CTSF: variants seen among roughly 807,000 people sequenced by gnomAD.
The protein encoded by CTSF is cathepsin F.
CTSF carries 65 observed loss-of-function variants against 63.5 expected under a neutral mutation model. The observed-to-expected ratio is 1.02, with a 90% CI of 0.84 to 1.26. CTSF has a LOEUF of 1.26. Among genes scored for constraint, CTSF ranks in the 50% most tolerant of loss-of-function variants. CTSF has a pLI of 0.00. For synonymous variants in CTSF, 256 were observed against 258.1 expected, an observed-to-expected ratio of 0.99 and a Z score of 0.08; for missense variants, 641 against 631.0, an observed-to-expected ratio of 1.02 and a Z score of -0.17.
rs1857967422 is a variant in CTSF at position 66,567,834 on chromosome 11, A to G, written c.312+150T>C. 3 of 1,361,830 alleles carry G rather than the reference A, an allele frequency of 2.2e-6. No homozygotes were observed. The Admixed American group carries it at 7.9e-5, about 36-fold the overall frequency. 84.4% of individuals were successfully genotyped at this position (1,361,830 alleles called of 1,614,324 possible). A position where few individuals can be genotyped will look rare whatever the true frequency, so the allele number is the denominator to read the frequency against. ...ACCGGGGCATCCTCCCCTTCATAGC[A>G]TCTTGGTTTCCAGCCCTCGGGGCCT... On this transcript the variant is annotated intron_variant, in intron 2 of 12. Coordinates refer to ENST00000310325, the MANE Select transcript of CTSF (RefSeq NM_003793.4).
Position 66,566,548 on chromosome 11 carries a change from C to T in CTSF, c.608-144G>A. On this transcript the variant is annotated intron_variant, in intron 4 of 12. Transcript: ENST00000310325. ...CAAGTGATGGAGTGGGAGGTCTGAT[C>T]AACTTTTAGGGCCAAACTGAAGTGA... 3 of 717,998 alleles carry T rather than the reference C, an allele frequency of 4.2e-6. No individual in the cohort carries two copies. In the Admixed American group the frequency reaches 7.1e-5, roughly 17 times the overall value. The allele number at this position is 717,998 out of a possible 1,614,324, so 44.5% of individuals were successfully genotyped here. A position where few individuals can be genotyped will look rare whatever the true frequency, so the allele number is the denominator to read the frequency against.
At position 66,565,052 on chromosome 11, in the gene CTSF, C is replaced by T. The variant is rs752677818; in HGVS notation, c.1046-46G>A. 5 of 1,517,010 alleles carry T rather than the reference C, an allele frequency of 3.3e-6. No individual in the cohort carries two copies. The Admixed American group carries it at 1.1e-4, about 33-fold the overall frequency. 94.0% of individuals were successfully genotyped at this position (1,517,010 alleles called of 1,614,324 possible). On this transcript the variant is annotated intron_variant, in intron 8 of 12. Transcript: ENST00000310325. ...GTAGAGAAGGGCAGGCTCCCATTTG[C>T]CATTCACAGCCAGAAATGAACTAAG...
In CTSF at chr11:66,567,675, G is replaced by T; in HGVS notation, c.313-13C>A. ...GGAAGCTGCAGAGCTGGAGGGAGAG[G>T]AAGAAGCTGCTCTGGGGGCCTGGAT... On this transcript the variant is annotated splice_polypyrimidine_tract_variant and intron_variant, in intron 2 of 12. Coordinates refer to ENST00000310325, the MANE Select transcript of CTSF (RefSeq NM_003793.4). 1 of 1,610,140 alleles carries T rather than the reference G, an allele frequency of 6.2e-7. No homozygotes were observed.
rs924071157 is a variant in CTSF, at chr11:66,568,335, T to C, written c.152A>G (p.Asn51Ser). The C allele has an allele frequency of 3.8e-6, 5 of 1,312,322 alleles. No homozygotes were observed. The highest frequency in any genetic ancestry group is 4.8e-6 in the Non-Finnish European group (5 of 1,040,558). 81.3% of individuals were successfully genotyped at this position (1,312,322 alleles called of 1,614,324 possible). ...CCGCGTCCCCGCAGCCCGGCCGCGGTTGAACATCTCCAGCGCGAAGCGGGT... is the reference window on the plus strand; with the variant it reads ...CCGCGTCCCCGCAGCCCGGCCGCGGCTGAACATCTCCAGCGCGAAGCGGGT... ...APTRFALEMF[N>S]RGRAAGTRAV... is the part of the protein sequence containing the mutation. Residue 51 changes from asparagine (N) to serine (S), a missense_variant, in exon 1 of 13, where the codon AAC becomes AGC. Asn to Ser is a conservative substitution (Grantham distance 46). Transcript: ENST00000310325.
chr11:66,563,986 C>G lies in CTSF; in HGVS notation c.1402G>C (p.Gly468Arg). 1 of 1,613,796 alleles carries G rather than the reference C, an allele frequency of 6.2e-7. No individual in the cohort carries two copies. The highest frequency in any genetic ancestry group is 8.5e-7 in the Non-Finnish European group (1 of 1,180,006). Reference sequence around the variant, plus strand: ...GTGTTCACGCCACAGGCCCCGGACCCACGATGCAAGTAGTAGTAACCCTGG... The same window carrying G: ...GTGTTCACGCCACAGGCCCCGGACCGACGATGCAAGTAGTAGTAACCCTGG... Reference protein sequence around the residue: ...GEKGYYYLHRGSGACGVNTMA... With the variant: ...GEKGYYYLHRRSGACGVNTMA... Residue 468 changes from glycine (G) to arginine (R), a missense_variant, in exon 13 of 13, where the codon GGG becomes CGG. By Grantham distance (125) the Gly-to-Arg change is moderately radical. Coordinates refer to ENST00000310325, the MANE Select transcript of CTSF (RefSeq NM_003793.4).
rs1239571489 is a variant in CTSF, at chr11:66,564,871, C to A, written c.1165+16G>T. 2 of 1,613,824 alleles carry A rather than the reference C, an allele frequency of 1.2e-6. No homozygotes were observed. The highest frequency in any genetic ancestry group is 2.2e-5 in the South Asian group (2 of 91,056). On this transcript the variant is annotated intron_variant, in intron 9 of 12. Coordinates refer to ENST00000310325, the MANE Select transcript of CTSF (RefSeq NM_003793.4). Reference sequence around the variant, plus strand: ...CCGGCCCCACCTGACCTCACCTCACCCTGCCCCTCACTCACTCTGCTCGTT... The same window carrying A: ...CCGGCCCCACCTGACCTCACCTCACACTGCCCCTCACTCACTCTGCTCGTT...
rs938352890 is a variant in CTSF, at chr11:66,568,386, G to T, written c.101C>A (p.Pro34Gln). 1.9e-5 allele frequency: 25 copies of T among 1,307,594 alleles called. No individual in the cohort carries two copies. Among genetic ancestry groups the T allele is most frequent in the Non-Finnish European group, 2.1e-5 (22 of 1,036,426 alleles). The allele number at this position is 1,307,594 out of a possible 1,614,324, so 81.0% of individuals were successfully genotyped here. ...GGGCGCCAGCAGCTCCGGGGACGGC[G>T]GCCCCCAGGCCTGAAAGCTGGCGGC... Reference protein sequence around the residue: ...PRAASFQAWGPPSPELLAPTR... With the variant: ...PRAASFQAWGQPSPELLAPTR... The change falls in exon 1 of 13, where the codon CCG becomes CAG. Residue 34 changes from proline to glutamine, a missense_variant. By Grantham distance (76) the Pro-to-Gln change is moderately conservative. Transcript: ENST00000310325.
chr11:66,567,640 T>C lies in CTSF; in HGVS notation c.335A>G (p.Asp112Gly). ...CAGCAGCACGTGTCTTCCGAGCTCA[T>C]CCAGGACTTGGAAGCTGCAGAGCTG... ...KTLLCSFQVL[D>G]ELGRHVLLRK... The change falls in exon 3 of 13, where the codon GAT becomes GGT. Residue 112 changes from aspartate to glycine, a missense_variant. Transcript: ENST00000310325. The C allele has an allele frequency of 6.2e-7, 1 of 1,614,058 alleles. No individual in the cohort carries two copies. Among genetic ancestry groups the C allele is most frequent in the Non-Finnish European group, 8.5e-7 (1 of 1,180,000 alleles).
Position 66,565,898 on chromosome 11 carries a change from T to C in CTSF, c.897A>G (p.Ser299=). ...QGMCGSCWAF[S]VTGNVEGQWF... is the part of the protein sequence containing the mutation. The stretch of plus-strand genomic sequence containing the variant: ...ACTGGCCCTCCACATTGCCTGTGAC[T>C]GAGAAGGCCCAGCAGGAGCCACACA... Residue 299 remains serine, a synonymous_variant, in exon 7 of 13, where the codon TCA becomes TCG. Coordinates refer to ENST00000310325, the MANE Select transcript of CTSF (RefSeq NM_003793.4). The C allele has an allele frequency of 1.9e-6, 3 of 1,614,008 alleles. No homozygotes were observed. The highest frequency in any genetic ancestry group is 2.5e-6 in the Non-Finnish European group (3 of 1,180,002).
chr11:66,568,327 G>A lies in CTSF; in HGVS notation c.160C>T (p.Arg54Trp). 9 of 1,315,514 alleles carry A rather than the reference G, an allele frequency of 6.8e-6. No individual in the cohort carries two copies. The highest frequency in any genetic ancestry group is 8.6e-6 in the Non-Finnish European group (9 of 1,042,640). 81.5% of individuals were successfully genotyped at this position (1,315,514 alleles called of 1,614,324 possible). Residue 54 changes from arginine (R) to tryptophan (W), a missense_variant, in exon 1 of 13, where the codon CGG becomes TGG. By Grantham distance (101) the Arg-to-Trp change is moderately radical. Transcript: ENST00000310325. ...RFALEMFNRG[R>W]AAGTRAVLGL... ...AGCACGGCCCGCGTCCCCGCAGCCC[G>A]GCCGCGGTTGAACATCTCCAGCGCG...
chr11:66,564,890 G>A lies in CTSF; in HGVS notation c.1162C>T (p.Gln388Ter). 2 of 1,612,470 alleles carry A rather than the reference G, an allele frequency of 1.2e-6. No individual in the cohort carries two copies. Among genetic ancestry groups the A allele is most frequent in the Non-Finnish European group, 1.7e-6 (2 of 1,178,774 alleles). ...NDSVELSQNE[Q>*]KLAAWLAKRG... ...CCTCACCCTGCCCCTCACTCACTCTGCTCGTTCTGGCTCAGCTCCACGGAG... is the reference window on the plus strand; with the variant it reads ...CCTCACCCTGCCCCTCACTCACTCTACTCGTTCTGGCTCAGCTCCACGGAG... The change falls in exon 9 of 13, where the codon CAG becomes TAG. Residue 388 changes from glutamine to a stop codon, truncating the protein, a stop_gained. Coordinates refer to ENST00000310325, the MANE Select transcript of CTSF (RefSeq NM_003793.4). LOFTEE classifies it high-confidence loss of function.
Position 66,567,659 on chromosome 11 carries a change from A to G in CTSF, c.316T>C (p.Cys106Arg). The change falls in exon 3 of 13, where the codon TGC (cysteine) becomes CGC (arginine). Residue 106 changes from cysteine (C) to arginine (R), a missense_variant. Coordinates refer to ENST00000310325, the MANE Select transcript of CTSF (RefSeq NM_003793.4). ...RLPVSKKTLLCSFQVLDELGR... is the reference protein window; with the variant it reads ...RLPVSKKTLLRSFQVLDELGR... The stretch of plus-strand genomic sequence containing the variant: ...AGCTCATCCAGGACTTGGAAGCTGC[A>G]GAGCTGGAGGGAGAGGAAGAAGCTG... The G allele has an allele frequency of 6.2e-7, 1 of 1,613,450 alleles. No homozygotes were observed. The highest frequency in any genetic ancestry group is 8.5e-7 in the Non-Finnish European group (1 of 1,179,662).
chr11:66,567,403 GCTC>G, intron 3 of CTSF, 38 bp downstream of exon 3: 1 of 1,601,482 alleles, frequency 6.2e-7, no homozygotes, highest in Non-Finnish European at 8.5e-7. Flanking sequence ...GCAGCGGCTG[GCTC>G]CTCAAGCTGA....
rs938352890 is a variant in CTSF, at chr11:66,568,386, G to A, written c.101C>T (p.Pro34Leu). 6 of 1,307,594 alleles carry A rather than the reference G, an allele frequency of 4.6e-6. No individual in the cohort carries two copies. Among genetic ancestry groups the A allele is most frequent in the Non-Finnish European group, 5.8e-6 (6 of 1,036,426 alleles). The allele number at this position is 1,307,594 out of a possible 1,614,324, so 81.0% of individuals were successfully genotyped here. A position where few individuals can be genotyped will look rare whatever the true frequency, so the allele number is the denominator to read the frequency against. The part of the protein sequence containing the change: ...PRAASFQAWG[P>L]PSPELLAPTR... ...GGGCGCCAGCAGCTCCGGGGACGGCGGCCCCCAGGCCTGAAAGCTGGCGGC... is the reference window on the plus strand; with the variant it reads ...GGGCGCCAGCAGCTCCGGGGACGGCAGCCCCCAGGCCTGAAAGCTGGCGGC... Residue 34 changes from proline (P) to leucine (L), a missense_variant, in exon 1 of 13, where the codon CCG becomes CTG. Physicochemically the swap from Pro to Leu is moderately conservative, Grantham distance 98 (BLOSUM62 -3). Transcript: ENST00000310325.
At chr11:66,564,378 C>G (rs1254453903) in intron 11 of CTSF, 180 bp downstream of exon 11, 1 of 771,844 alleles carries the variant, frequency 1.3e-6, no homozygotes, top group African/African-American at 1.8e-5. Context: ...TTTACCCTCC[C>G]ACAGCTCAGC....
chr11:66,566,448 G>A (rs777106848), intron 4 of CTSF, 44 bp from the exon 5 acceptor site: 3 of 1,589,836 alleles, frequency 1.9e-6, no homozygotes, highest in Non-Finnish European at 2.6e-6. Flanking sequence ...ACCCCAGGCA[G>A]ATAAAAGGAA....
At chr11:66,564,840 C>A in intron 9 of CTSF, 34 bp from the exon 10 acceptor site, 1 of 1,614,142 alleles carries the variant, frequency 6.2e-7, no homozygotes, top group Non-Finnish European at 8.5e-7. Context: ...AGTAGGCACC[C>A]AGGCCCCGGC....
In CTSF at chr11:66,568,226, T is replaced by C. The variant is rs983432057; in HGVS notation, c.213+48A>G. The stretch of plus-strand genomic sequence containing the variant: ...CATCCCAATGTTAGGTCAAAGCTCC[T>C]ATCCCTTGGACCCGGGCCTGGCGCC... On this transcript the variant is annotated intron_variant, in intron 1 of 12. Coordinates refer to ENST00000310325, the MANE Select transcript of CTSF (RefSeq NM_003793.4). 10 of 1,520,902 alleles carry C rather than the reference T, an allele frequency of 6.6e-6. No individual in the cohort carries two copies. The African/African-American group carries it at 1.4e-4, about 21-fold the overall frequency. 94.2% of individuals were successfully genotyped at this position (1,520,902 alleles called of 1,614,324 possible).
rs1443184535 is a variant in CTSF, at chr11:66,568,504, C to A, written c.-18G>T. 9.5e-6 allele frequency: 14 copies of A among 1,480,672 alleles called. No individual in the cohort carries two copies. The highest frequency in any genetic ancestry group is 1.2e-5 in the Non-Finnish European group (14 of 1,122,984). The allele number at this position is 1,480,672 out of a possible 1,614,324, so 91.7% of individuals were successfully genotyped here. A position where few individuals can be genotyped will look rare whatever the true frequency, so the allele number is the denominator to read the frequency against. On this transcript the variant is annotated 5_prime_UTR_variant, in exon 1 of 13. Transcript: ENST00000310325. ...GGCGCCATGGCGAGGGCGAAGCCGG[C>A]GGCCCGGACCCAACAGACGCTCCAC...
Sources: allele counts gnomAD v4.1 joint callset, GRCh38; gene constraint gnomAD v4.1.1; transcripts MANE v1.5; gene names NCBI Gene and HGNC (gene_info 2026-07-23, HGNC 2026-07-21).